Variants in CEP128 observed in about 807,000 individuals in gnomAD.
CEP128 encodes the protein centrosomal protein 128kDa.
A neutral mutation model predicts 156.7 loss-of-function variants in CEP128; 132 were observed. That is an observed-to-expected ratio of 0.84 (90% CI 0.73 to 0.97). CEP128 has a LOEUF of 0.97. CEP128 is among the 50% of genes least tolerant of loss of function. CEP128 has a pLI of 0.00. For synonymous variants in CEP128, 469 were observed against 448.9 expected, an observed-to-expected ratio of 1.04 and a Z score of -0.57; for missense variants, 1,252 against 1,281.9, an observed-to-expected ratio of 0.98 and a Z score of 0.36.
intron 19 of CEP128, among the ~76,000 whole-genome samples, chr14:80,614,213 TAGA>T (rs1893120261): frequency 6.6e-6 from 1 of 152,202 alleles, no homozygotes; most frequent in South Asian, 2.1e-4. Flanking sequence ...TAAAATGACT[TAGA>T]AGTATTACAG....
At chr14:80,487,579 TTCAGCACCACACCAAACCTAC>T (rs1284166308), downstream of CEP128, among the ~76,000 whole-genome samples, 1 of 152,150 alleles carries the variant, frequency 6.6e-6, no homozygotes, top group Non-Finnish European at 1.5e-5. Context: ...ATACATTCTT[TTCAGCACCACACCAAACCTAC>T]TCCAAAATTG....
intron 13 of CEP128, among the ~76,000 whole-genome samples, chr14:80,810,180 G>A (rs941992884): frequency 3.3e-5 from 5 of 151,196 alleles, no homozygotes; most frequent in African/African-American, 7.3e-5. Context: ...AAAATAAGCC[G>A]GGCATGATTG....
At chr14:80,908,464 TCACTC>T (rs1338997303) in intron 4 of CEP128, among the ~76,000 whole-genome samples, 1 of 151,502 alleles carries the variant, frequency 6.6e-6, no homozygotes, top group African/African-American at 2.5e-5. Context: ...AAGCTGTTGT[TCACTC>T]TATTCATTCA....
rs534601339 is a variant in CEP128 at position 80,768,340 on chromosome 14, A to G, written c.2377-6727T>C. Among the ~76,000 whole-genome samples the G allele has an allele frequency of 4.6e-5, 7 of 152,256 alleles. No individual in the cohort carries two copies. The South Asian group carries it at 1.5e-3, about 32-fold the overall frequency. On this transcript the variant is annotated intron_variant, in intron 16 of 24. Transcript: ENST00000555265. ...GTATTCAGATGCAGAATCAATTTTA[A>G]AGTAGAGTCAATAAGATCAGCTGAT...
intron 14 of CEP128, among the ~76,000 whole-genome samples, chr14:80,788,755 C>G (rs1419189339): frequency 6.6e-6 from 1 of 152,112 alleles, no homozygotes; most frequent in Non-Finnish European, 1.5e-5. Flanking sequence ...GTCAACCCTA[C>G]AATTTAGGCT....
At chr14:80,681,929 C>T (rs1471045491) in intron 19 of CEP128, among the ~76,000 whole-genome samples, 1 of 152,022 alleles carries the variant, frequency 6.6e-6, no homozygotes, top group Non-Finnish European at 1.5e-5. Flanking sequence ...CATAGCAAGG[C>T]CCTGTCTCTA....
chr14:80,566,176 A>C (rs1413960961), intron 20 of CEP128, among the ~76,000 whole-genome samples: 1 of 152,172 alleles, frequency 6.6e-6, no homozygotes, highest in Non-Finnish European at 1.5e-5. Flanking sequence ...CTTCACCCAA[A>C]GAGACCACTG....
chr14:80,687,671 G>A (rs1220013940), intron 19 of CEP128, among the ~76,000 whole-genome samples: 1 of 152,052 alleles, frequency 6.6e-6, no homozygotes, highest in Non-Finnish European at 1.5e-5. Context: ...TATCCCAAAC[G>A]TCAGCATCAT....
At chr14:80,641,666 C>T (rs10146465) in intron 19 of CEP128, among the ~76,000 whole-genome samples, 44,268 of 151,872 alleles carry the variant, frequency 0.29, 7,825 homozygotes, top group African/African-American at 0.49. Context: ...CTAATGTGAA[C>T]GTAATATTAA....
intron 19 of CEP128, among the ~76,000 whole-genome samples, chr14:80,694,752 G>T (rs984809193): frequency 6.6e-6 from 1 of 151,634 alleles, no homozygotes; most frequent in Non-Finnish European, 1.5e-5. Context: ...CCTGTCAGGG[G>T]GTAGGGGGCA....
intron 20 of CEP128, among the ~76,000 whole-genome samples, chr14:80,566,551 C>G (rs1890917044): frequency 6.6e-6 from 1 of 152,014 alleles, no homozygotes; most frequent in African/African-American, 2.4e-5. Flanking sequence ...AGTGTAGCAA[C>G]ATCAAAAAAA....
chr14:80,526,899 A>T lies in CEP128; in HGVS notation c.3042T>A (p.Asp1014Glu), dbSNP rs1338258882. 1.2e-6 allele frequency: 2 copies of T among 1,609,938 alleles called. No individual in the cohort carries two copies. Among genetic ancestry groups the T allele is most frequent in the Non-Finnish European group, 1.7e-6 (2 of 1,177,016 alleles). The change falls in exon 23 of 25, where the codon GAT becomes GAA. Residue 1014 changes from aspartate (D) to glutamate (E), a missense_variant. By Grantham distance (45) the Asp-to-Glu change is conservative. Transcript: ENST00000555265. ...AACTTTTGGTTCTGTACTTGGTGTC[A>T]TCTTGGTGATGCTGAAGAGAATTTC... ...VRRNSLQHHQDDTKYRTKSFK... is the reference protein window; with the variant it reads ...VRRNSLQHHQEDTKYRTKSFK...
intron 20 of CEP128, among the ~76,000 whole-genome samples, chr14:80,563,828 C>T (rs1345160415): frequency 6.6e-6 from 1 of 151,978 alleles, no homozygotes; most frequent in African/African-American, 2.4e-5. Context: ...AGTCACTGTG[C>T]CCAGCCCAAG....
intron 19 of CEP128, among the ~76,000 whole-genome samples, chr14:80,720,580 T>C (rs61979407): frequency 6.6e-6 from 1 of 152,166 alleles, no homozygotes; most frequent in African/African-American, 2.4e-5. Flanking sequence ...AAATGGAAGA[T>C]TGTCCGAGAA....
downstream of CEP128, among the ~76,000 whole-genome samples, chr14:80,487,609 T>A (rs1484081583): frequency 6.6e-6 from 1 of 152,086 alleles, no homozygotes; most frequent in African/African-American, 2.4e-5. Context: ...ACTCCAAAAT[T>A]GACCACATAG....
At position 80,490,724 on chromosome 14, in the gene CEP128, T is replaced by C. The variant is rs1887295867; in HGVS notation, c.*11-2A>G. On this transcript the variant is annotated splice_acceptor_variant, in intron 6 of 6. Coordinates refer to the CEP128 transcript ENST00000556061. LOFTEE classifies it low-confidence loss of function (3UTR_SPLICE). ...AGGACTGAATCACAGCTCGGATACC[T>C]GGGAGAACACATGATATTGGAAACC... is the stretch of plus-strand genomic sequence containing the variant. The C allele has an allele frequency of 6.6e-6, 1 of 152,140 alleles. No individual in the cohort carries two copies. The allele number at this position is 152,140 out of a possible 1,614,324, so 9.4% of individuals were successfully genotyped here. A position where few individuals can be genotyped will look rare whatever the true frequency, so the allele number is the denominator to read the frequency against.
chr14:80,668,632 A>T (rs1052302597), intron 19 of CEP128, among the ~76,000 whole-genome samples: 12 of 152,204 alleles, frequency 7.9e-5, no homozygotes, highest in Non-Finnish European at 1.6e-4. Context: ...GCTTGACACA[A>T]TACAGGATGA....
chr14:80,564,050 TAAAC>T (rs1036161846), intron 20 of CEP128, among the ~76,000 whole-genome samples: 10 of 152,134 alleles, frequency 6.6e-5, no homozygotes, highest in Non-Finnish European at 1.5e-4. Context: ...AGTGAAGGGT[TAAAC>T]AAAAAACAAA....
At chr14:80,772,267 G>A (rs953923492) in intron 16 of CEP128, among the ~76,000 whole-genome samples, 1 of 152,068 alleles carries the variant, frequency 6.6e-6, no homozygotes, top group African/African-American at 2.4e-5. Context: ...GAGCAGAAAA[G>A]AAGATGAACA....
Sources: gnomAD v4.1 joint callset for allele counts (sites outside exome capture counted in the v4.1 genomes callset) on GRCh38, gnomAD v4.1.1 for gene constraint, MANE v1.5 for transcripts, NCBI Gene and HGNC (gene_info 2026-07-23, HGNC 2026-07-21) for gene names.